The following ANKRD44 variants were observed in gnomAD, a reference collection of about 807,000 sequenced individuals.
ANKRD44 encodes serine/threonine-protein phosphatase 6 regulatory ankyrin repeat subunit B.
Under a neutral mutation model 116.0 loss-of-function variants are expected in ANKRD44, and 35 were observed. The ratio of observed to expected loss-of-function variants is 0.30; its 90% confidence interval spans 0.23 to 0.40. ANKRD44 has a LOEUF of 0.40. ANKRD44 is among the 10% of genes least tolerant of loss of function. The pLI, the probability that ANKRD44 is intolerant of heterozygous loss-of-function variation, is 1.00. For synonymous variants in ANKRD44, 435 were observed against 461.8 expected (o/e 0.94, Z 0.74); for missense variants, 1,014 against 1,242.6 (o/e 0.82, Z 2.77).
chr2:197,282,474 G>A (rs1008178878), intron 1 of ANKRD44, among the ~76,000 whole-genome samples: 4 of 152,248 alleles, frequency 2.6e-5, no homozygotes, highest in Admixed American at 2.0e-4. Flanking sequence ...AGGTACTTTA[G>A]AGAGCTCCAG....
chr2:197,209,020 G>A (rs559197500), intron 1 of ANKRD44, among the ~76,000 whole-genome samples: 1 of 152,268 alleles, frequency 6.6e-6, no homozygotes, highest in East Asian at 1.9e-4. Flanking sequence ...GATATAACAG[G>A]CAAGACTATT....
intron 17 of ANKRD44, among the ~76,000 whole-genome samples, chr2:197,019,670 C>T (rs957654411): frequency 1.3e-5 from 2 of 151,196 alleles, no homozygotes; most frequent in Non-Finnish European, 2.9e-5. Flanking sequence ...TATATGTTCC[C>T]GTAACCTTTT....
At chr2:197,135,644 T>G (rs1243101902) in intron 4 of ANKRD44, 2 of 152,254 alleles carry the variant, frequency 1.3e-5, no homozygotes, top group Non-Finnish European at 2.9e-5. Flanking sequence ...TGTACCAGGC[T>G]TGGGATACAT....
chr2:197,010,037 C>T (rs1251381523), intron 18 of ANKRD44, among the ~76,000 whole-genome samples: 1 of 151,684 alleles, frequency 6.6e-6, no homozygotes, highest in African/African-American at 2.4e-5. Flanking sequence ...GTGAGGGGAG[C>T]AGGAGCAGGA....
intron 9 of ANKRD44, among the ~76,000 whole-genome samples, chr2:197,106,500 T>C (rs2078430576): frequency 1.3e-5 from 2 of 149,726 alleles, no homozygotes; most frequent in Admixed American, 1.3e-4. Flanking sequence ...TTAAAATATA[T>C]TTCAGGAGGC....
chr2:197,198,210 T>C (rs992993773), intron 1 of ANKRD44: 3 of 152,242 alleles, frequency 2.0e-5, no homozygotes, highest in Non-Finnish European at 4.4e-5. Flanking sequence ...AGCTGAGTAG[T>C]AGACAGGGAT....
intron 19 of ANKRD44, among the ~76,000 whole-genome samples, 189 bp from the exon 20 acceptor site, chr2:197,008,112 C>A (rs186295654): frequency 3.0e-4 from 45 of 152,212 alleles, no homozygotes; most frequent in African/African-American, 1.1e-3. Flanking sequence ...CTCTAATGGC[C>A]ACATGGAATG....
At chr2:197,197,537 G>A (rs1032452494) in intron 1 of ANKRD44, among the ~76,000 whole-genome samples, 2 of 152,134 alleles carry the variant, frequency 1.3e-5, no homozygotes, top group South Asian at 2.1e-4. Context: ...GAGGCCGGGC[G>A]CAGTAGCTCA....
At chr2:197,118,637 G>GAGAGAGAAAGAA (rs773839262) in intron 8 of ANKRD44, among the ~76,000 whole-genome samples, 54 of 112,434 alleles carry the variant, frequency 4.8e-4, no homozygotes, top group African/African-American at 1.8e-3. Flanking sequence ...GAGAGAGAGA[G>GAGAGAGAAAGAA]AGAAAGAAAG....
chr2:197,155,151 G>A (rs2079777672), intron 2 of ANKRD44, among the ~76,000 whole-genome samples: 1 of 152,078 alleles, frequency 6.6e-6, no homozygotes, highest in Non-Finnish European at 1.5e-5. Context: ...AATGTATATT[G>A]AGCAAAACTT....
chr2:197,202,513 A>C (rs939583475), intron 1 of ANKRD44, among the ~76,000 whole-genome samples: 6 of 152,190 alleles, frequency 3.9e-5, no homozygotes, highest in Non-Finnish European at 7.4e-5. Flanking sequence ...AGCAGGACCA[A>C]GCTGCTCAGA....
intron 1 of ANKRD44, among the ~76,000 whole-genome samples, chr2:197,290,675 T>C (rs899933334): frequency 9.2e-5 from 14 of 152,250 alleles, no homozygotes; most frequent in African/African-American, 3.1e-4. Flanking sequence ...TCAAATTTTA[T>C]ATTTGTTTTG....
Position 197,126,012 on chromosome 2 carries a change from T to C in ANKRD44, c.287A>G (p.His96Arg). The C allele has an allele frequency of 6.2e-7, 1 of 1,614,132 alleles. No individual in the cohort carries two copies. Residue 96 changes from histidine (H) to arginine (R), a missense_variant, in exon 5 of 28, where the codon CAC (histidine) becomes CGC (arginine). His to Arg is a conservative substitution (Grantham distance 29). Transcript: ENST00000282272. ...SEEAVQVLIK[H>R]SADVNARDKN... is the part of the protein sequence containing the mutation. ...GTCCCTTGCATTGACATCAGCTGAG[T>C]GCTTAATCAAAACCTGTACTGCTTC... is the stretch of plus-strand genomic sequence containing the variant.
At chr2:197,076,510 A>G (rs1423548951) in intron 16 of ANKRD44, among the ~76,000 whole-genome samples, 3 of 152,178 alleles carry the variant, frequency 2.0e-5, no homozygotes, top group Non-Finnish European at 2.9e-5. Flanking sequence ...GGGTTTTTAA[A>G]AAAACTTTTA....
chr2:197,272,091 G>A (rs187078158), intron 1 of ANKRD44, among the ~76,000 whole-genome samples: 5 of 152,318 alleles, frequency 3.3e-5, no homozygotes, highest in Admixed American at 2.6e-4. Flanking sequence ...ATGTGAGATC[G>A]AGATCACAAC....
intron 16 of ANKRD44, among the ~76,000 whole-genome samples, chr2:197,066,836 A>G (rs928232536): frequency 6.6e-6 from 1 of 152,202 alleles, no homozygotes; most frequent in Non-Finnish European, 1.5e-5. Context: ...AAGAATCAAT[A>G]TCGTGAAAAT....
intron 1 of ANKRD44, among the ~76,000 whole-genome samples, chr2:197,272,339 A>G (rs1396110061): frequency 6.6e-6 from 1 of 152,172 alleles, no homozygotes. Context: ...CCCGGGTTCA[A>G]GCAATTTCCT....
chr2:197,029,322 G>A, intron 16 of ANKRD44: 1 of 263,284 alleles, frequency 3.8e-6, no homozygotes, highest in South Asian at 4.0e-5. Context: ...TATGGGTTTA[G>A]CTTCAACATG....
chr2:197,007,363 T>C (rs1480690853), intron 20 of ANKRD44, among the ~76,000 whole-genome samples: 1 of 152,082 alleles, frequency 6.6e-6, no homozygotes. Context: ...CTTTTTAAAA[T>C]CTAAAACAAA....
Sources: allele counts gnomAD v4.1 joint callset (sites outside exome capture counted in the v4.1 genomes callset), GRCh38; gene constraint gnomAD v4.1.1; transcripts MANE v1.5; gene names NCBI Gene and HGNC (gene_info 2026-07-23, HGNC 2026-07-21).